Variants in LIPF observed in about 807,000 individuals in gnomAD.
LIPF encodes the protein gastric triacylglycerol lipase.
LIPF carries 25 observed loss-of-function variants against 38.0 expected under a neutral mutation model. That is an observed-to-expected ratio of 0.66 (90% confidence interval 0.48 to 0.92). The LOEUF (loss-of-function observed/expected upper bound fraction) is 0.92, where lower values mean the gene tolerates loss of function less well. Among genes scored for constraint, LIPF ranks in the 40% least tolerant of loss-of-function variants. The pLI is 0.00. For synonymous variants in LIPF, 161 were observed against 156.2 expected, an observed-to-expected ratio of 1.03 and a Z score of -0.23; for missense variants, 410 against 469.9, an observed-to-expected ratio of 0.87 and a Z score of 1.18.
intron 3 of LIPF, among the ~76,000 whole-genome samples, chr10:88,668,319 A>T (rs1462791421): frequency 6.6e-6 from 1 of 152,160 alleles, no homozygotes; most frequent in African/African-American, 2.4e-5. Context: ...TTTTATTGAG[A>T]TGTAACTGGC....
chr10:88,672,675 C>T (rs1457993732), intron 6 of LIPF, among the ~76,000 whole-genome samples: 1 of 125,354 alleles, frequency 8.0e-6, no homozygotes, highest in African/African-American at 3.5e-5. Context: ...CACACACTCT[C>T]TCTCTCTCTC....
intron 6 of LIPF, 80 bp from the exon 7 acceptor site, chr10:88,673,508 T>C: frequency 9.6e-7 from 1 of 1,041,202 alleles, no homozygotes; most frequent in Non-Finnish European, 1.4e-6. Context: ...ATCACACATG[T>C]ATAAGTAGAT....
chr10:88,669,805 T>G, intron 4 of LIPF, 32 bp from the exon 5 acceptor site: 1 of 1,391,300 alleles, frequency 7.2e-7, no homozygotes, highest in Non-Finnish European at 1.0e-6. Context: ...CAAGGAAATG[T>G]ATTCACTTTC....
rs548368506 is a variant in LIPF at position 88,669,877 on chromosome 10, G to A, written c.463G>A (p.Asp155Asn). The change falls in exon 5 of 10, where the codon GAC (aspartate) becomes AAC (asparagine). Residue 155 changes from aspartate to asparagine, a missense_variant. Coordinates refer to ENST00000238983, the MANE Select transcript of LIPF (RefSeq NM_004190.4). Reference protein sequence around the residue: ...MAKYDLPATIDFIVKKTGQKQ... With the variant: ...MAKYDLPATINFIVKKTGQKQ... ...TAAATATGACCTTCCAGCCACAATCGACTTCATTGTAAAGAAAACTGGACA... is the reference window on the plus strand; with the variant it reads ...TAAATATGACCTTCCAGCCACAATCAACTTCATTGTAAAGAAAACTGGACA... The A allele has an allele frequency of 1.7e-5, 27 of 1,613,252 alleles. No homozygotes were observed. Among genetic ancestry groups the A allele is most frequent in the Middle Eastern group, 1.6e-4 (1 of 6,062 alleles).
chr10:88,667,719 T>C (rs762785907), intron 3 of LIPF, 33 bp downstream of exon 3: 28 of 901,852 alleles, frequency 3.1e-5, no homozygotes, highest in Non-Finnish European at 4.8e-5. Flanking sequence ...CCTTCCTTTC[T>C]CTCTTTTTTC....
rs756205058 is a variant in LIPF at position 88,669,850 on chromosome 10, G to A, written c.436G>A (p.Ala146Thr). 4 of 1,610,754 alleles carry A rather than the reference G, an allele frequency of 2.5e-6. No homozygotes were observed. The South Asian group carries it at 3.3e-5, about 13-fold the overall frequency. Residue 146 changes from alanine (A) to threonine (T), a missense_variant, in exon 5 of 10, where the codon GCT becomes ACT. Coordinates refer to ENST00000238983, the MANE Select transcript of LIPF (RefSeq NM_004190.4). ...EFWAFSFDEM[A>T]KYDLPATIDF... is the part of the protein sequence containing the mutation. ...TTTTCCTTTCAGCTTTGATGAAATG[G>A]CTAAATATGACCTTCCAGCCACAAT...
chr10:88,672,622 A>G (rs1001798826), intron 6 of LIPF, among the ~76,000 whole-genome samples: 1 of 119,442 alleles, frequency 8.4e-6, no homozygotes, highest in Admixed American at 9.8e-5. Context: ...ACCCAGTAAA[A>G]CCAACACACA....
chr10:88,678,312 T>C, intron 9 of LIPF, 133 bp from the exon 10 acceptor site: 1 of 728,136 alleles, frequency 1.4e-6, no homozygotes, highest in East Asian at 2.5e-5. Context: ...ATAAAGGTGG[T>C]TTTCTCTGTG....
rs1442720173 is a variant in LIPF, at chr10:88,669,843, T to C, written c.429T>C (p.Asp143=). The change falls in exon 5 of 10, where the codon GAT becomes GAC. Residue 143 remains aspartate, a synonymous_variant. Coordinates refer to ENST00000238983, the MANE Select transcript of LIPF (RefSeq NM_004190.4). ...TTTGTCTTTTTCCTTTCAGCTTTGA[T>C]GAAATGGCTAAATATGACCTTCCAG... ...DSVEFWAFSF[D]EMAKYDLPAT... 2 of 1,605,714 alleles carry C rather than the reference T, an allele frequency of 1.2e-6. No individual in the cohort carries two copies. Among genetic ancestry groups the C allele is most frequent in the East Asian group, 2.2e-5 (1 of 44,832 alleles).
intron 7 of LIPF, among the ~76,000 whole-genome samples, chr10:88,674,263 G>T (rs1474563474): frequency 3.3e-5 from 5 of 152,056 alleles, no homozygotes; most frequent in Non-Finnish European, 7.4e-5. Context: ...CCGCCTCTTG[G>T]GTTCACGCCA....
Position 88,669,962 on chromosome 10 carries a change from C to T in LIPF, c.532+16C>T. 1 of 1,527,086 alleles carries T rather than the reference C, an allele frequency of 6.5e-7. No homozygotes were observed. The highest frequency in any genetic ancestry group is 9.1e-7 in the Non-Finnish European group (1 of 1,103,688). 94.6% of individuals were successfully genotyped at this position (1,527,086 alleles called of 1,614,324 possible). On this transcript the variant is annotated intron_variant, in intron 5 of 9. Coordinates refer to ENST00000238983, the MANE Select transcript of LIPF (RefSeq NM_004190.4). ...ACCACCATTGGTAAGTAATGGCAGT[C>T]AAGGCCAAGTGGTTTACTTCTCATA...
chr10:88,676,650 T>C (rs543719116), intron 9 of LIPF, among the ~76,000 whole-genome samples: 13 of 152,340 alleles, frequency 8.5e-5, no homozygotes, highest in African/African-American at 2.6e-4. Flanking sequence ...TTTCTGGTCT[T>C]CTTAAACAAT....
intron 4 of LIPF, chr10:88,668,992 A>G (rs1564957794): frequency 2.2e-6 from 1 of 455,540 alleles, no homozygotes; most frequent in Non-Finnish European, 3.9e-6. Flanking sequence ...TGATTTTCCA[A>G]ATGGAATGAA....
At position 88,672,490 on chromosome 10, in the gene LIPF, G is replaced by A. The variant is rs978024303; in HGVS notation, c.669+525G>A. On this transcript the variant is annotated intron_variant, in intron 6 of 9. Transcript: ENST00000238983. ...AGAGCTCCTTCATCTTTAAATGGGC[G>A]ATCTCATAAGTCAGTGGTGTGGATT... 2.0e-5 allele frequency among the ~76,000 whole-genome samples: 3 copies of A among 152,080 alleles called. 1 individual carries two copies. The highest frequency in any genetic ancestry group is 4.8e-5 in the African/African-American group (2 of 41,390).
intron 9 of LIPF, among the ~76,000 whole-genome samples, chr10:88,677,430 A>C (rs1415958367): frequency 6.6e-6 from 1 of 152,182 alleles, no homozygotes; most frequent in Non-Finnish European, 1.5e-5. Flanking sequence ...GTCTTTAACT[A>C]ACTGAAGCAA....
Position 88,676,253 on chromosome 10 carries a change from A to G in LIPF, c.933A>G (p.Pro311=), listed in dbSNP as rs774059597. 3.7e-6 allele frequency: 6 copies of G among 1,608,544 alleles called. No homozygotes were observed. The Admixed American group carries it at 1.0e-4, about 27-fold the overall frequency. ...TCCAAGCTTATGACTGGGGAAGCCC[A>G]GTTCAGAATAGGATGCACTATGATC... is the stretch of plus-strand genomic sequence containing the variant. ...GKFQAYDWGS[P]VQNRMHYDQS... The change falls in exon 9 of 10, where the codon CCA becomes CCG. Residue 311 remains proline, a synonymous_variant. Coordinates refer to ENST00000238983, the MANE Select transcript of LIPF (RefSeq NM_004190.4).
At chr10:88,669,778 A>C in intron 4 of LIPF, 59 bp from the exon 5 acceptor site, 1 of 1,233,034 alleles carries the variant, frequency 8.1e-7, no homozygotes, top group South Asian at 1.3e-5. Context: ...TAAATGCTTG[A>C]ATTTTAGAAA....
chr10:88,667,714 C>A (rs1841534665), intron 3 of LIPF, 28 bp downstream of exon 3: 1 of 921,338 alleles, frequency 1.1e-6, no homozygotes, highest in Non-Finnish European at 1.7e-6. Context: ...TTCTTCCTTC[C>A]TTTCTCTCTT....
Position 88,667,169 on chromosome 10 carries a change from G to A in LIPF, c.-11-118G>A, listed in dbSNP as rs569704818. On this transcript the variant is annotated intron_variant, in intron 1 of 9. Coordinates refer to ENST00000238983, the MANE Select transcript of LIPF (RefSeq NM_004190.4). ...CATATGTCTCATTTTATTGCCCAAT[G>A]GAATATAATCAAACCCAAGCATTCC... The A allele has an allele frequency of 7.0e-6, 4 of 571,466 alleles. No homozygotes were observed. In the East Asian group the frequency reaches 8.6e-5, roughly 12 times the overall value. 35.4% of individuals were successfully genotyped at this position (571,466 alleles called of 1,614,324 possible).
Sources: allele counts gnomAD v4.1 joint callset (sites outside exome capture counted in the v4.1 genomes callset), GRCh38; gene constraint gnomAD v4.1.1; transcripts MANE v1.5; gene names NCBI Gene and HGNC (gene_info 2026-07-23, HGNC 2026-07-21).